The following DNAAF8 variants were observed in gnomAD, a reference collection of about 807,000 sequenced individuals.
The protein encoded by DNAAF8 is dynein axonemal-associated protein 1.
DNAAF8 carries 61 observed loss-of-function variants against 54.6 expected under a neutral mutation model. That is an observed-to-expected ratio of 1.12 (90% CI 0.91 to 1.38). DNAAF8 has a LOEUF of 1.38. Ranked by LOEUF, DNAAF8 falls within the 40% of genes most tolerant of loss-of-function variation. The pLI is 0.00. For missense variants in DNAAF8, 837 were observed against 665.0 expected, an observed-to-expected ratio of 1.26 and a Z score of -2.85; for synonymous variants, 320 against 270.1, an observed-to-expected ratio of 1.18 and a Z score of -1.81.
rs759479050 is a variant in DNAAF8 at position 4,747,580 on chromosome 16, A to G, written c.1518A>G (p.Pro506=). The part of the protein sequence containing the change: ...RPRALGDVPE[P]GAAREALMPP... Reference sequence around the variant, plus strand: ...GAGCCCTGGGGGATGTTCCTGAGCCAGGGGCAGCCAGGGAGGCCCTGATGC... The same window carrying G: ...GAGCCCTGGGGGATGTTCCTGAGCCGGGGGCAGCCAGGGAGGCCCTGATGC... The change falls in exon 9 of 10, where the codon CCA becomes CCG. Residue 506 remains proline, a synonymous_variant. Transcript: ENST00000299320. 2.5e-6 allele frequency: 4 copies of G among 1,610,610 alleles called. No homozygotes were observed. The African/African-American group carries it at 4.0e-5, about 16-fold the overall frequency.
intron 2 of DNAAF8, 65 bp from the exon 3 acceptor site, chr16:4,737,735 G>GTT: frequency 6.4e-7 from 1 of 1,567,586 alleles, no homozygotes. Flanking sequence ...GAGAGCGGGG[G>GTT]TGGCTAGGCC....
intron 6 of DNAAF8, among the ~76,000 whole-genome samples, chr16:4,745,254 C>A (rs1180136431): frequency 1.3e-5 from 2 of 152,216 alleles, no homozygotes; most frequent in African/African-American, 4.8e-5. Context: ...CAAGTACCTG[C>A]TCTTTCCCCA....
At chr16:4,739,265 G>GTTATTTTTTTTT (rs2081931435) in intron 3 of DNAAF8, among the ~76,000 whole-genome samples, 1 of 69,030 alleles carries the variant, frequency 1.4e-5, no homozygotes, top group Non-Finnish European at 2.6e-5. Flanking sequence ...ATTTTTTCTT[G>GTTATTTTTTTTT]TTTTTTTTTT....
rs2081943982 is a variant in DNAAF8, at chr16:4,740,215, G to C, written c.339G>C (p.Lys113Asn). The C allele has an allele frequency of 6.2e-7, 1 of 1,613,974 alleles. No homozygotes were observed. The highest frequency in any genetic ancestry group is 8.5e-7 in the Non-Finnish European group (1 of 1,179,994). Residue 113 changes from lysine (K) to asparagine (N), a missense_variant, in exon 4 of 10, where the codon AAG becomes AAC. Transcript: ENST00000299320. Reference sequence around the variant, plus strand: ...GGTGCAGACAGAACACAAGGACAAAGGATGCATCCTCTCAGGAAGGAAGAG... The same window carrying C: ...GGTGCAGACAGAACACAAGGACAAACGATGCATCCTCTCAGGAAGGAAGAG... ...EPGCRQNTRT[K>N]DASSQEGRDP...
chr16:4,743,695 G>A (rs2081978357), intron 5 of DNAAF8: 1 of 152,402 alleles, frequency 6.6e-6, no homozygotes, highest in African/African-American at 2.4e-5. Context: ...GCAGGTCTGA[G>A]GCAGAGGAGC....
In DNAAF8 at chr16:4,741,233, C is replaced by CA. The variant is rs756159698; in HGVS notation, c.783+589dup. Among the ~76,000 whole-genome samples the CA allele has an allele frequency of 3.7e-3, 264 of 70,700 alleles. 1 individual carries two copies. The highest frequency in any genetic ancestry group is 5.4e-3 in the Non-Finnish European group (178 of 33,240). The allele number at this position is 70,700 out of a possible 152,430, so 46.4% of individuals were successfully genotyped here. On this transcript the variant is annotated intron_variant, in intron 4 of 9. Transcript: ENST00000299320. Reference sequence around the variant, plus strand: ...TGGGTGACAGAGCGAGACTCCATCTCAAAAAAAAAAAAAAAGAAAGAAAGA... The same window carrying CA: ...TGGGTGACAGAGCGAGACTCCATCTCAAAAAAAAAAAAAAAAGAAAGAAAGA...
rs2082054603 is a variant in DNAAF8 at position 4,749,179 on chromosome 16, C to A, written c.*464C>A. 6.5e-6 allele frequency: 1 copy of A among 154,478 alleles called. No individual in the cohort carries two copies. Among genetic ancestry groups the A allele is most frequent in the African/African-American group, 2.4e-5 (1 of 41,542 alleles). The allele number at this position is 154,478 out of a possible 1,614,324, so 9.6% of individuals were successfully genotyped here. On this transcript the variant is annotated 3_prime_UTR_variant, in exon 10 of 10. Transcript: ENST00000299320. ...CCCACCTACAGAGACCCTCCCCTGC[C>A]CCCTCCACTCCGGGGCCTGTGCCGC...
chr16:4,738,097 C>A, intron 3 of DNAAF8, 151 bp downstream of exon 3: 3 of 979,666 alleles, frequency 3.1e-6, no homozygotes, highest in Non-Finnish European at 4.4e-6. Flanking sequence ...TTCAGATGCC[C>A]AACATCTAAC....
intron 7 of DNAAF8, 151 bp downstream of exon 7, chr16:4,746,663 C>T: frequency 8.9e-7 from 1 of 1,120,766 alleles, no homozygotes; most frequent in Non-Finnish European, 1.2e-6. Flanking sequence ...GCCTACAGTC[C>T]CCCTGGGTCC....
intron 3 of DNAAF8, among the ~76,000 whole-genome samples, chr16:4,739,832 G>C (rs1301253727): frequency 6.6e-6 from 1 of 151,936 alleles, no homozygotes; most frequent in Non-Finnish European, 1.5e-5. Context: ...GATAGCTTGA[G>C]GCCAGGAACT....
chr16:4,747,312 G>T, intron 8 of DNAAF8, 31 bp from the exon 9 acceptor site: 1 of 1,531,048 alleles, frequency 6.5e-7, no homozygotes, highest in South Asian at 1.3e-5. Context: ...CCCCCACGGG[G>T]TTGAGTGAAT....
At chr16:4,745,077 G>A in intron 6 of DNAAF8, 66 bp downstream of exon 6, 1 of 1,556,274 alleles carries the variant, frequency 6.4e-7, no homozygotes, top group Non-Finnish European at 8.8e-7. Flanking sequence ...TTGTAGCACT[G>A]ACTGGGCCTA....
chr16:4,747,494 C>T lies in DNAAF8; in HGVS notation c.1432C>T (p.His478Tyr). The T allele has an allele frequency of 6.2e-7, 1 of 1,613,320 alleles. No individual in the cohort carries two copies. The highest frequency in any genetic ancestry group is 8.5e-7 in the Non-Finnish European group (1 of 1,180,004). ...TAGSRTGRKQ[H>Y]MKLCAKGQSA... ...TGGATCACGAACTGGGAGGAAGCAA[C>T]ACATGAAGCTCTGTGCCAAGGGGCA... The change falls in exon 9 of 10, where the codon CAC becomes TAC. Residue 478 changes from histidine to tyrosine, a missense_variant. Coordinates refer to ENST00000299320, the MANE Select transcript of DNAAF8 (RefSeq NM_139170.3).
chr16:4,738,047 C>A, intron 3 of DNAAF8, 101 bp downstream of exon 3: 2 of 1,358,302 alleles, frequency 1.5e-6, no homozygotes, highest in Non-Finnish European at 2.0e-6. Context: ...TATGCTAGAA[C>A]ATGGTCCTTT....
chr16:4,744,623 C>T (rs1368757352), intron 5 of DNAAF8, among the ~76,000 whole-genome samples: 1 of 101,686 alleles, frequency 9.8e-6, no homozygotes, highest in Non-Finnish European at 2.4e-5. Context: ...CTTAAAAATA[C>T]GTCACTCCTA....
At chr16:4,744,433 G>A (rs2081987272) in intron 5 of DNAAF8, among the ~76,000 whole-genome samples, 1 of 152,034 alleles carries the variant, frequency 6.6e-6, no homozygotes, top group African/African-American at 2.4e-5. Context: ...AATACACTGC[G>A]GCTCGATGAG....
chr16:4,738,920 T>G (rs1231120755), intron 3 of DNAAF8, among the ~76,000 whole-genome samples: 1 of 151,874 alleles, frequency 6.6e-6, no homozygotes, highest in East Asian at 1.9e-4. Context: ...GAAAACAGTG[T>G]AGAGGCACTA....
At chr16:4,739,548 C>CTTT (rs869183831) in intron 3 of DNAAF8, among the ~76,000 whole-genome samples, 3 of 135,004 alleles carry the variant, frequency 2.2e-5, no homozygotes, top group African/African-American at 2.7e-5. Flanking sequence ...AGCTTTCCAA[C>CTTT]TTTTTTTTTT....
intron 5 of DNAAF8, among the ~76,000 whole-genome samples, 198 bp from the exon 6 acceptor site, chr16:4,744,672 G>A (rs1481890270): frequency 6.6e-6 from 1 of 152,160 alleles, no homozygotes; most frequent in Non-Finnish European, 1.5e-5. Flanking sequence ...TGCTCATAAA[G>A]ATTCTGCCCC....
Sources: gnomAD v4.1 joint callset for allele counts (sites outside exome capture counted in the v4.1 genomes callset) on GRCh38, gnomAD v4.1.1 for gene constraint, MANE v1.5 for transcripts, NCBI Gene and HGNC (gene_info 2026-07-23, HGNC 2026-07-21) for gene names.